The following MTUS1 variants were observed in gnomAD, a reference collection of about 807,000 sequenced individuals.
MTUS1 encodes microtubule-associated tumor suppressor 1.
In MTUS1, 109 loss-of-function variants were observed where a neutral mutation model predicts 120.8. That is an observed-to-expected ratio of 0.90 (90% CI 0.77 to 1.06). The LOEUF is 1.06. MTUS1 is among the 50% of genes least tolerant of loss of function. MTUS1 has a pLI of 0.00. For missense variants in MTUS1, 2,210 were observed against 1,486.3 expected, an observed-to-expected ratio of 1.49 and a Z score of -8.01; for synonymous variants, 737 against 550.5, an observed-to-expected ratio of 1.34 and a Z score of -4.74.
chr8:17,715,928 T>C, intron 4 of MTUS1, 27 bp from the exon 5 acceptor site: 6 of 1,600,416 alleles, frequency 3.7e-6, no homozygotes, highest in Non-Finnish European at 5.1e-6. Context: ...AAGTACATTT[T>C]ATTGTATAGA....
At chr8:17,740,363 G>A (rs184133592) in intron 3 of MTUS1, among the ~76,000 whole-genome samples, 407 of 152,284 alleles carry the variant, frequency 2.7e-3, no homozygotes, top group Non-Finnish European at 3.9e-3. Context: ...TATTGAAAAC[G>A]CCAAATTGGC....
intron 3 of MTUS1, among the ~76,000 whole-genome samples, chr8:17,729,208 A>G (rs2131159078): frequency 6.6e-6 from 1 of 152,366 alleles, no homozygotes; most frequent in East Asian, 1.9e-4. Context: ...AGGAATTATT[A>G]TAAAATCAGG....
At chr8:17,674,961 G>T (rs1447923068) in intron 8 of MTUS1, 6 of 1,281,730 alleles carry the variant, frequency 4.7e-6, no homozygotes, top group Non-Finnish European at 5.9e-6. Flanking sequence ...CTCATCAGAA[G>T]TTCTGCTAGG....
intron 3 of MTUS1, among the ~76,000 whole-genome samples, chr8:17,728,096 C>A (rs771584528): frequency 6.6e-6 from 1 of 152,124 alleles, no homozygotes; most frequent in Non-Finnish European, 1.5e-5. Context: ...TTAATATTAT[C>A]CTATTCTGTA....
intron 6 of MTUS1, chr8:17,691,241 T>C (rs1039283549): frequency 6.6e-6 from 1 of 152,252 alleles, no homozygotes; most frequent in Admixed American, 6.5e-5. Flanking sequence ...TATCTGAAAC[T>C]TGTCAAATTA....
chr8:17,684,791 A>G (rs998816246), intron 6 of MTUS1, among the ~76,000 whole-genome samples: 3 of 152,202 alleles, frequency 2.0e-5, no homozygotes, highest in Non-Finnish European at 4.4e-5. Context: ...ACATGACACA[A>G]ATGGATTTGG....
intron 3 of MTUS1, among the ~76,000 whole-genome samples, chr8:17,732,025 C>G (rs951601768): frequency 6.6e-6 from 1 of 152,190 alleles, no homozygotes; most frequent in Non-Finnish European, 1.5e-5. Context: ...GCATGGGTGT[C>G]CCCATGAAAA....
At chr8:17,648,790 T>C (rs1359028742) in intron 13 of MTUS1, among the ~76,000 whole-genome samples, 3 of 152,208 alleles carry the variant, frequency 2.0e-5, no homozygotes, top group East Asian at 3.9e-4. Context: ...GAGGCACTTG[T>C]AGAAGCCTGA....
intron 3 of MTUS1, among the ~76,000 whole-genome samples, chr8:17,729,063 G>C (rs1403509582): frequency 6.6e-6 from 1 of 152,188 alleles, no homozygotes; most frequent in Non-Finnish European, 1.5e-5. Context: ...TAAAATACGA[G>C]ACATGAGAAT....
At chr8:17,752,381 C>A (rs1461011268) in intron 2 of MTUS1, among the ~76,000 whole-genome samples, 1 of 151,844 alleles carries the variant, frequency 6.6e-6, no homozygotes, top group Non-Finnish European at 1.5e-5. Context: ...TTTAATTTTG[C>A]AAAAAAATTA....
At chr8:17,782,770 C>A (rs2050973121) in intron 1 of MTUS1, among the ~76,000 whole-genome samples, 1 of 152,102 alleles carries the variant, frequency 6.6e-6, no homozygotes, top group South Asian at 2.1e-4. Flanking sequence ...CTACTGGCAA[C>A]ATTAAATGAA....
intron 7 of MTUS1, chr8:17,676,586 T>C (rs921324324): frequency 2.4e-5 from 13 of 546,840 alleles, no homozygotes; most frequent in South Asian, 1.5e-4. Context: ...CTTTCATTTA[T>C]GAAAAACGAG....
At chr8:17,766,240 C>A (rs2049477517) in intron 1 of MTUS1, among the ~76,000 whole-genome samples, 1 of 152,124 alleles carries the variant, frequency 6.6e-6, no homozygotes, top group South Asian at 2.1e-4. Flanking sequence ...TTAAAAAGAA[C>A]AGAAACTTGG....
chr8:17,721,686 A>T, intron 4 of MTUS1: 1 of 1,545,276 alleles, frequency 6.5e-7, no homozygotes, highest in South Asian at 1.3e-5. Context: ...CTTACAAAGA[A>T]AAGAAACCAG....
Position 17,754,914 on chromosome 8 carries a change from GC to G in MTUS1, c.893del (p.Gly298AlafsTer40). On this transcript the variant is annotated frameshift_variant, in exon 2 of 15. Transcript: ENST00000693296. LOFTEE classifies it high-confidence loss of function. ...ETQALTPVSD[G>X]MEVPNDSALQ... ...ATGCAGAATCATTGGGGACTTCCAT[GC>G]CATCAGAAACTGGTGTTAGTGCTTG... The G allele has an allele frequency of 6.2e-7, 1 of 1,614,202 alleles. No homozygotes were observed. Among genetic ancestry groups the G allele is most frequent in the African/African-American group, 1.3e-5 (1 of 75,056 alleles).
chr8:17,716,968 AC>A (rs1387927768), intron 4 of MTUS1, among the ~76,000 whole-genome samples: 3 of 152,156 alleles, frequency 2.0e-5, no homozygotes, highest in Non-Finnish European at 2.9e-5. Context: ...CACTTCACTC[AC>A]TTAGCAAAGG....
chr8:17,697,538 A>C, intron 6 of MTUS1: 2 of 1,405,482 alleles, frequency 1.4e-6, no homozygotes, highest in South Asian at 1.8e-5. Flanking sequence ...TAGAAGAAAA[A>C]AATCCCCCAG....
At chr8:17,652,997 G>T (rs1055104975) in intron 12 of MTUS1, among the ~76,000 whole-genome samples, 189 bp downstream of exon 12, 6 of 152,064 alleles carry the variant, frequency 3.9e-5, no homozygotes, top group African/African-American at 4.8e-5. Context: ...CCGTATGTCA[G>T]ATTTTAGGAT....
intron 6 of MTUS1, among the ~76,000 whole-genome samples, chr8:17,687,097 G>A (rs1011570217): frequency 6.6e-6 from 1 of 152,110 alleles, no homozygotes; most frequent in African/African-American, 2.4e-5. Context: ...TGATTAAGGA[G>A]GAAAGAACAC....
Sources: allele counts gnomAD v4.1 joint callset (sites outside exome capture counted in the v4.1 genomes callset), GRCh38; gene constraint gnomAD v4.1.1; transcripts MANE v1.5; gene names NCBI Gene and HGNC (gene_info 2026-07-23, HGNC 2026-07-21).